The following SNTG1 variants were observed in gnomAD, a reference collection of about 807,000 sequenced individuals.
SNTG1 encodes the protein gamma-1-syntrophin.
Under a neutral mutation model 74.7 loss-of-function variants are expected in SNTG1, and 39 were observed. The observed-to-expected ratio is 0.52, with a 90% CI of 0.40 to 0.68. SNTG1 has a LOEUF of 0.68. Ranked by LOEUF, SNTG1 falls within the 30% of genes least tolerant of loss-of-function variation. The pLI is 0.00. For missense variants in SNTG1, 685 were observed against 609.5 expected (o/e 1.12, Z -1.30); for synonymous variants, 254 against 217.1 (o/e 1.17, Z -1.49).
chr8:50,115,417 T>TACAAAAA (rs1197470119), intron 1 of SNTG1, among the ~76,000 whole-genome samples: 2 of 151,440 alleles, frequency 1.3e-5, no homozygotes, highest in African/African-American at 4.9e-5. Flanking sequence ...AATACAAAAA[T>TACAAAAA]TAGCCGAGCA....
rs1229112402 is a variant in SNTG1 at position 50,795,083 on chromosome 8, AT to A, written c.*2255del. On this transcript the variant is annotated 3_prime_UTR_variant, in exon 19 of 19. Transcript: ENST00000642720. The stretch of plus-strand genomic sequence containing the variant: ...ATGGGTGTATATATATATAAATATA[AT>A]GAAATGCTGACCATTAATTATATTA... 1 of 151,936 alleles carries A rather than the reference AT, an allele frequency of 6.6e-6. No homozygotes were observed. The highest frequency in any genetic ancestry group is 2.4e-5 in the African/African-American group (1 of 41,396). 9.4% of individuals were successfully genotyped at this position (151,936 alleles called of 1,614,324 possible).
chr8:50,214,923 C>T (rs989429001), intron 2 of SNTG1, among the ~76,000 whole-genome samples: 6 of 152,168 alleles, frequency 3.9e-5, no homozygotes, highest in Non-Finnish European at 7.4e-5. Flanking sequence ...AACTCAGCTA[C>T]CTGGATGTCT....
At chr8:50,613,608 G>T (rs2094866091) in intron 13 of SNTG1, among the ~76,000 whole-genome samples, 1 of 152,090 alleles carries the variant, frequency 6.6e-6, no homozygotes, top group African/African-American at 2.4e-5. Context: ...ATCTGCTTAT[G>T]TTTATAAAAA....
intron 1 of SNTG1, among the ~76,000 whole-genome samples, chr8:49,988,817 A>G (rs1195310263): frequency 6.6e-6 from 1 of 152,072 alleles, no homozygotes; most frequent in African/African-American, 2.4e-5. Flanking sequence ...TATTTAAAGA[A>G]CATTTCAAAT....
chr8:50,345,566 CAT>C (rs1189538822), intron 2 of SNTG1, among the ~76,000 whole-genome samples: 1 of 152,130 alleles, frequency 6.6e-6, no homozygotes, highest in Non-Finnish European at 1.5e-5. Context: ...GTTCCTGGTT[CAT>C]AGGGAGGTGG....
At chr8:50,633,955 T>C (rs1313612911) in intron 13 of SNTG1, among the ~76,000 whole-genome samples, 1 of 152,202 alleles carries the variant, frequency 6.6e-6, no homozygotes, top group East Asian at 1.9e-4. Flanking sequence ...CTCTCTTCCA[T>C]AAGTGCCAAA....
intron 2 of SNTG1, among the ~76,000 whole-genome samples, chr8:50,331,063 AT>A (rs2090945560): frequency 6.6e-6 from 1 of 152,092 alleles, no homozygotes; most frequent in South Asian, 2.1e-4. Flanking sequence ...GTGTTTCTAT[AT>A]TTTTTATTTT....
intron 13 of SNTG1, among the ~76,000 whole-genome samples, chr8:50,621,425 T>C (rs541518655): frequency 1.2e-4 from 19 of 152,330 alleles, no homozygotes; most frequent in Admixed American, 1.2e-3. Context: ...AAAGTTCTTG[T>C]TATTTCCTTT....
At position 50,566,709 on chromosome 8, in the gene SNTG1, C is replaced by CTGTTTTGTTTTGTTTTGTTTTGTTT. The variant is rs369656490; in HGVS notation, c.810+13551_810+13552insGTTTTGTTTTGTTTTGTTTTGTTTT. Among the ~76,000 whole-genome samples the CTGTTTTGTTTTGTTTTGTTTTGTTT allele has an allele frequency of 4.0e-3, 612 of 151,916 alleles. 6 individuals are homozygous for CTGTTTTGTTTTGTTTTGTTTTGTTT. The highest frequency in any genetic ancestry group is 0.013 in the African/African-American group (549 of 41,444). On this transcript the variant is annotated intron_variant, in intron 12 of 18. Transcript: ENST00000642720. Reference sequence around the variant, plus strand: ...TAATCAATCAAGGGAGCAAAGTCTACTGTTTTGTTTTGTTTTGTTTTTCAG... The same window carrying CTGTTTTGTTTTGTTTTGTTTTGTTT: ...TAATCAATCAAGGGAGCAAAGTCTACTGTTTTGTTTTGTTTTGTTTTGTTTTGTTTTGTTTTGTTTTGTTTTTCAG...
chr8:50,394,384 G>T lies in SNTG1; in HGVS notation c.27+119G>T. On this transcript the variant is annotated intron_variant, in intron 3 of 18. Coordinates refer to ENST00000642720, the MANE Select transcript of SNTG1 (RefSeq NM_018967.5). ...GCAGAAAATGGAGAGAGGAGGATGG[G>T]CTCTTTTTCCTTCCAGATTACGTTC... 9.5e-6 allele frequency: 9 copies of T among 942,694 alleles called. 1 individual carries two copies. In the South Asian group the frequency reaches 1.0e-4, roughly 11 times the overall value. The allele number at this position is 942,694 out of a possible 1,614,324, so 58.4% of individuals were successfully genotyped here.
intron 8 of SNTG1, among the ~76,000 whole-genome samples, chr8:50,454,715 G>A (rs950404838): frequency 2.0e-5 from 3 of 150,000 alleles, no homozygotes; most frequent in African/African-American, 7.3e-5. Context: ...GGTGGCGCAC[G>A]CCTGTAATCC....
At chr8:50,727,464 C>CAAT (rs1337025157) in intron 17 of SNTG1, among the ~76,000 whole-genome samples, 1 of 152,176 alleles carries the variant, frequency 6.6e-6, no homozygotes, top group Admixed American at 6.5e-5. Flanking sequence ...CAGAGAACCA[C>CAAT]AATATCCACT....
At chr8:50,635,807 GCTGTAAGACAAAGTC>G (rs1465008404) in intron 13 of SNTG1, among the ~76,000 whole-genome samples, 1 of 152,104 alleles carries the variant, frequency 6.6e-6, no homozygotes, top group East Asian at 1.9e-4. Flanking sequence ...TGGTACAAAA[GCTGTAAGACAAAGTC>G]CCCTTTACTT....
intron 2 of SNTG1, among the ~76,000 whole-genome samples, chr8:50,206,692 T>C (rs555624729): frequency 2.6e-5 from 4 of 152,322 alleles, no homozygotes; most frequent in Non-Finnish European, 1.5e-5. Flanking sequence ...AGTATGATAT[T>C]GGCTGTGGGT....
chr8:50,728,349 T>G (rs1284386161), intron 17 of SNTG1, among the ~76,000 whole-genome samples: 4 of 152,192 alleles, frequency 2.6e-5, no homozygotes, highest in African/African-American at 4.8e-5. Flanking sequence ...CCAGCACCTC[T>G]TTTGTTGTAC....
At chr8:50,621,748 T>C (rs1009117204) in intron 13 of SNTG1, among the ~76,000 whole-genome samples, 1 of 152,210 alleles carries the variant, frequency 6.6e-6, no homozygotes. Flanking sequence ...ATAGCTTTTA[T>C]TGATTTAGAA....
At position 50,435,932 on chromosome 8, in the gene SNTG1, T is replaced by C. The variant is rs80154154; in HGVS notation, c.163-2611T>C. The stretch of plus-strand genomic sequence containing the variant: ...AGAGAGTGGGCTTGTAGAGCATGAG[T>C]AAAGAAGTTCAAAGAAACGGTTTTT... On this transcript the variant is annotated intron_variant, in intron 4 of 18. Transcript: ENST00000642720. Among the ~76,000 whole-genome samples, 355 of 152,198 alleles carry C rather than the reference T, an allele frequency of 2.3e-3. 5 individuals are homozygous for C. Among genetic ancestry groups the C allele is most frequent in the African/African-American group, 6.0e-3 (250 of 41,530 alleles).
intron 17 of SNTG1, among the ~76,000 whole-genome samples, chr8:50,718,051 C>T (rs41364346): frequency 0.11 from 16,053 of 152,060 alleles, 2,396 homozygotes; most frequent in African/African-American, 0.33. Flanking sequence ...TGATGTTGAA[C>T]AAGTAGTCGT....
chr8:50,399,795 G>A (rs918642388), intron 3 of SNTG1, among the ~76,000 whole-genome samples: 17 of 152,058 alleles, frequency 1.1e-4, no homozygotes, highest in South Asian at 2.1e-4. Flanking sequence ...TCTATATTAG[G>A]GAAAGTACAA....
Sources: gnomAD v4.1 joint callset for allele counts (sites outside exome capture counted in the v4.1 genomes callset) on GRCh38, gnomAD v4.1.1 for gene constraint, MANE v1.5 for transcripts, NCBI Gene and HGNC (gene_info 2026-07-23, HGNC 2026-07-21) for gene names.